The following AKAP6 variants were observed in gnomAD, a reference collection of about 807,000 sequenced individuals.
The protein encoded by AKAP6 is A-kinase anchor protein 6.
Under a neutral mutation model 188.5 loss-of-function variants are expected in AKAP6, and 58 were observed. The ratio of observed to expected loss-of-function variants is 0.31; its 90% CI spans 0.25 to 0.38. The LOEUF (loss-of-function observed/expected upper bound fraction) is 0.38. AKAP6 is among the 10% of genes least tolerant of loss of function. The pLI is 1.00. For synonymous variants in AKAP6, 989 were observed against 998.6 expected (o/e 0.99, Z 0.18); for missense variants, 2,710 against 2,740.0 (o/e 0.99, Z 0.24).
intron 8 of AKAP6, among the ~76,000 whole-genome samples, chr14:32,691,597 C>T (rs538986721): frequency 2.2e-4 from 33 of 151,746 alleles, no homozygotes; most frequent in Non-Finnish European, 4.0e-4. Flanking sequence ...CTTGCTGTGT[C>T]GCCCAGGCTG....
intron 1 of AKAP6, among the ~76,000 whole-genome samples, chr14:32,393,656 T>C (rs1443915488): frequency 2.6e-5 from 4 of 152,110 alleles, no homozygotes. Context: ...TGCAACTCTT[T>C]TGTAACTCAA....
intron 2 of AKAP6, among the ~76,000 whole-genome samples, chr14:32,503,472 T>A (rs1166160060): frequency 6.6e-6 from 1 of 152,080 alleles, no homozygotes; most frequent in African/African-American, 2.4e-5. Context: ...GCCCTGGATT[T>A]TGAATTCAGA....
chr14:32,531,211 G>A (rs1051637426), intron 2 of AKAP6, among the ~76,000 whole-genome samples: 1 of 152,098 alleles, frequency 6.6e-6, no homozygotes, highest in African/African-American at 2.4e-5. Flanking sequence ...TAATATCTGT[G>A]GAAAAAAATC....
At chr14:32,452,404 C>T (rs77291673) in intron 2 of AKAP6, among the ~76,000 whole-genome samples, 5,456 of 152,208 alleles carry the variant, frequency 0.036, 124 homozygotes, top group East Asian at 0.1. Flanking sequence ...TCCTAGTCTC[C>T]TATTCATGGA....
intron 1 of AKAP6, among the ~76,000 whole-genome samples, chr14:32,381,951 T>A (rs1888376898): frequency 6.6e-6 from 1 of 152,158 alleles, no homozygotes; most frequent in Non-Finnish European, 1.5e-5. Context: ...CCCTCTCTTT[T>A]CCTAGATGAA....
intron 9 of AKAP6, among the ~76,000 whole-genome samples, chr14:32,725,443 T>G (rs981764648): frequency 6.6e-6 from 1 of 152,224 alleles, no homozygotes; most frequent in African/African-American, 2.4e-5. Flanking sequence ...TTTAAACAGT[T>G]TCATCAGTAA....
intron 11 of AKAP6, among the ~76,000 whole-genome samples, chr14:32,737,863 C>G (rs566178862): frequency 6.6e-6 from 1 of 152,154 alleles, no homozygotes; most frequent in Non-Finnish European, 1.5e-5. Flanking sequence ...AACTGCGTTT[C>G]CTTCTAATAG....
intron 1 of AKAP6, among the ~76,000 whole-genome samples, chr14:32,355,291 A>C (rs188327320): frequency 6.6e-6 from 1 of 152,256 alleles, no homozygotes; most frequent in South Asian, 2.1e-4. Flanking sequence ...CTGTTGTTGT[A>C]TGTAAATCCT....
chr14:32,575,720 A>G (rs985641295), intron 4 of AKAP6, among the ~76,000 whole-genome samples: 2 of 152,170 alleles, frequency 1.3e-5, no homozygotes, highest in African/African-American at 4.8e-5. Flanking sequence ...GAGACTTGGT[A>G]CAATAGAGAG....
intron 7 of AKAP6, among the ~76,000 whole-genome samples, chr14:32,625,651 A>T (rs950994108): frequency 1.2e-4 from 7 of 56,514 alleles, no homozygotes; most frequent in Non-Finnish European, 2.0e-4. Flanking sequence ...TTATACAAAT[A>T]AAAAAAAAAA....
intron 9 of AKAP6, among the ~76,000 whole-genome samples, chr14:32,724,990 T>TGAAAAAAAAA (rs1555356188): frequency 2.9e-5 from 1 of 34,900 alleles, no homozygotes; most frequent in Non-Finnish European, 4.7e-5. Context: ...ATATTCAACC[T>TGAAAAAAAAA]AAAAAAAAAA....
At chr14:32,524,157 C>CAA (rs11429816) in intron 2 of AKAP6, among the ~76,000 whole-genome samples, 46 of 144,904 alleles carry the variant, frequency 3.2e-4, no homozygotes, top group South Asian at 2.2e-3. Context: ...GAGCCTGTTT[C>CAA]AAAAAAAAAA....
chr14:32,436,413 A>C (rs1890378241), intron 2 of AKAP6, among the ~76,000 whole-genome samples: 1 of 152,132 alleles, frequency 6.6e-6, no homozygotes, highest in African/African-American at 2.4e-5. Context: ...CTACTCTGTT[A>C]AGCCAAAGCA....
chr14:32,357,383 G>T (rs555397049), intron 1 of AKAP6, among the ~76,000 whole-genome samples: 2 of 152,304 alleles, frequency 1.3e-5, no homozygotes, highest in East Asian at 3.9e-4. Context: ...TAAAAGCTCA[G>T]CCAACCATGT....
intron 9 of AKAP6, among the ~76,000 whole-genome samples, chr14:32,714,019 T>A (rs2030041338): frequency 6.6e-6 from 1 of 152,030 alleles, no homozygotes; most frequent in African/African-American, 2.4e-5. Context: ...TTCTTTCACT[T>A]GAGTACTTAG....
At chr14:32,723,555 GTT>G (rs879792072) in intron 9 of AKAP6, among the ~76,000 whole-genome samples, 26,732 of 144,830 alleles carry the variant, frequency 0.18, 2,623 homozygotes, top group East Asian at 0.39. Flanking sequence ...GTGCGTATGT[GTT>G]TATGTGTGTG....
chr14:32,640,355 A>T (rs1038180023), intron 7 of AKAP6, among the ~76,000 whole-genome samples: 1 of 152,142 alleles, frequency 6.6e-6, no homozygotes, highest in South Asian at 2.1e-4. Context: ...TCATTTTTAA[A>T]AAGCATTTTA....
chr14:32,365,991 CCT>C (rs914652858), intron 1 of AKAP6, among the ~76,000 whole-genome samples: 6 of 152,214 alleles, frequency 3.9e-5, no homozygotes, highest in Middle Eastern at 3.2e-3. Context: ...TATCTTCAAA[CCT>C]CTCTTTCTCT....
At chr14:32,482,665 A>C in intron 2 of AKAP6, among the ~76,000 whole-genome samples, 1 of 152,224 alleles carries the variant, frequency 6.6e-6, no homozygotes, top group East Asian at 1.9e-4. Flanking sequence ...TGTTCAAGTA[A>C]TATTTATGAG....
Sources: allele counts gnomAD v4.1 joint callset (sites outside exome capture counted in the v4.1 genomes callset), GRCh38; gene constraint gnomAD v4.1.1; transcripts MANE v1.5; gene names NCBI Gene and HGNC (gene_info 2026-07-23, HGNC 2026-07-21).